Variants in IGF1R observed in about 807,000 individuals in gnomAD.
The protein encoded by IGF1R is insulin like growth factor 1 receptor.
Under a neutral mutation model 144.6 loss-of-function variants are expected in IGF1R, and 44 were observed. The observed-to-expected ratio is 0.30, with a 90% CI of 0.24 to 0.39. IGF1R has a LOEUF of 0.39. Among genes scored for constraint, IGF1R ranks in the 10% least tolerant of loss-of-function variants. The pLI, the probability that IGF1R is intolerant of heterozygous loss-of-function variation, is 1.00. For synonymous variants in IGF1R, 795 were observed against 722.8 expected (o/e 1.10, Z -1.60); for missense variants, 1,355 against 1,833.7 (o/e 0.74, Z 4.77).
chr15:98,714,278 C>G (rs1019854379), intron 2 of IGF1R, among the ~76,000 whole-genome samples: 2 of 152,246 alleles, frequency 1.3e-5, no homozygotes, highest in African/African-American at 4.8e-5. Context: ...GAGGCGCTCT[C>G]CTTCCCTCGT....
chr15:98,919,659 A>G (rs1368699788), intron 10 of IGF1R, among the ~76,000 whole-genome samples: 1 of 152,180 alleles, frequency 6.6e-6, no homozygotes, highest in African/African-American at 2.4e-5. Context: ...CTCTCTCCTA[A>G]GACAAGTCCA....
intron 10 of IGF1R, 47 bp downstream of exon 10, chr15:98,916,923 GC>G (rs749077826): frequency 1.3e-6 from 2 of 1,548,766 alleles, no homozygotes; most frequent in South Asian, 2.2e-5. Context: ...CACTGCTCAG[GC>G]CGGTTCTGTT....
intron 2 of IGF1R, among the ~76,000 whole-genome samples, chr15:98,875,267 C>A (rs2012999096): frequency 6.6e-6 from 1 of 151,312 alleles, no homozygotes; most frequent in African/African-American, 2.4e-5. Flanking sequence ...TTATTCAAGT[C>A]CAGAATGTTG....
intron 2 of IGF1R, among the ~76,000 whole-genome samples, chr15:98,778,214 C>G (rs1454760720): frequency 6.6e-6 from 1 of 152,122 alleles, no homozygotes; most frequent in Non-Finnish European, 1.5e-5. Flanking sequence ...GTACGTGGTC[C>G]TCGGAGTCAT....
intron 19 of IGF1R, among the ~76,000 whole-genome samples, chr15:98,945,948 G>A (rs2016532717): frequency 6.6e-6 from 1 of 152,002 alleles, no homozygotes. Flanking sequence ...GCTACCTCCT[G>A]TATCGTTGCC....
intron 1 of IGF1R, among the ~76,000 whole-genome samples, chr15:98,701,088 G>A (rs1356607169): frequency 1.3e-5 from 2 of 151,980 alleles, no homozygotes; most frequent in African/African-American, 4.8e-5. Flanking sequence ...TGGTTCCAAA[G>A]AATTCATTTT....
intron 1 of IGF1R, among the ~76,000 whole-genome samples, chr15:98,705,330 T>A (rs531452905): frequency 6.6e-6 from 1 of 152,226 alleles, no homozygotes; most frequent in South Asian, 2.1e-4. Flanking sequence ...GGACAGAAGC[T>A]CAGTCGGAGT....
chr15:98,944,759 T>C (rs2016488880), intron 19 of IGF1R, among the ~76,000 whole-genome samples: 1 of 152,246 alleles, frequency 6.6e-6, no homozygotes, highest in Non-Finnish European at 1.5e-5. Flanking sequence ...AGCTGCTGGT[T>C]GAGCTTCTGC....
At chr15:98,685,693 A>C (rs529407615) in intron 1 of IGF1R, among the ~76,000 whole-genome samples, 11 of 152,210 alleles carry the variant, frequency 7.2e-5, no homozygotes, top group African/African-American at 2.4e-4. Flanking sequence ...ATTGTTGAAG[A>C]TGGAACAGGA....
intron 2 of IGF1R, among the ~76,000 whole-genome samples, chr15:98,712,267 C>T (rs947210815): frequency 3.3e-5 from 5 of 152,172 alleles, no homozygotes; most frequent in Non-Finnish European, 7.3e-5. Flanking sequence ...CATCCCAGAA[C>T]CCTTTTGAAC....
intron 2 of IGF1R, among the ~76,000 whole-genome samples, chr15:98,812,414 T>G (rs1427216497): frequency 6.6e-6 from 1 of 151,812 alleles, no homozygotes; most frequent in African/African-American, 2.4e-5. Context: ...TAGAGTACAA[T>G]GGTGCGATCT....
At chr15:98,688,489 C>G (rs116625971) in intron 1 of IGF1R, among the ~76,000 whole-genome samples, 1 of 151,128 alleles carries the variant, frequency 6.6e-6, no homozygotes, top group Admixed American at 6.6e-5. Flanking sequence ...CTTTGCGTAG[C>G]GTTGGCACAT....
At chr15:98,715,728 G>A (rs1271505452) in intron 2 of IGF1R, among the ~76,000 whole-genome samples, 16 of 152,120 alleles carry the variant, frequency 1.1e-4, no homozygotes, top group Non-Finnish European at 4.4e-5. Flanking sequence ...CCTCCTTTGG[G>A]CATATGGTGT....
At chr15:98,832,700 C>T (rs2057023580) in intron 2 of IGF1R, among the ~76,000 whole-genome samples, 1 of 152,232 alleles carries the variant, frequency 6.6e-6, no homozygotes, top group East Asian at 1.9e-4. Flanking sequence ...TTCTTTTCCT[C>T]TTTTAAGACA....
At chr15:98,855,390 C>A (rs1368834015) in intron 2 of IGF1R, among the ~76,000 whole-genome samples, 3 of 152,220 alleles carry the variant, frequency 2.0e-5, no homozygotes, top group Non-Finnish European at 2.9e-5. Context: ...TTAACTGTGC[C>A]TGGCCCTGAA....
In IGF1R at chr15:98,651,286, C is replaced by A. The variant is rs566719833; in HGVS notation, c.94+1611C>A. ...AGTCCGCGACGGAACGAGAGCAGAT[C>A]GTGGTTCGCGTGTTTACTGCCGAGT... On this transcript the variant is annotated intron_variant, in intron 1 of 20. Coordinates refer to ENST00000650285, the MANE Select transcript of IGF1R (RefSeq NM_000875.5). 9.1e-4 allele frequency among the ~76,000 whole-genome samples: 139 copies of A among 152,304 alleles called. No homozygotes were observed. The South Asian group carries it at 0.014, about 15-fold the overall frequency.
At chr15:98,805,199 G>A (rs117441742) in intron 2 of IGF1R, among the ~76,000 whole-genome samples, 2,855 of 152,178 alleles carry the variant, frequency 0.019, 43 homozygotes, top group Non-Finnish European at 0.031. Context: ...ATGCAGGTGC[G>A]ATTTAATTTG....
At chr15:98,884,566 C>T (rs1362067120) in intron 2 of IGF1R, among the ~76,000 whole-genome samples, 1 of 151,186 alleles carries the variant, frequency 6.6e-6, no homozygotes, top group African/African-American at 2.4e-5. Flanking sequence ...TGGTGGCGGG[C>T]GCCTGTAGTC....
intron 3 of IGF1R, among the ~76,000 whole-genome samples, chr15:98,893,245 G>T (rs535739910): frequency 7.9e-5 from 12 of 152,312 alleles, no homozygotes; most frequent in African/African-American, 2.9e-4. Flanking sequence ...TGGAGACGCA[G>T]CTTCTACTGT....
Sources: gnomAD v4.1 joint callset for allele counts (sites outside exome capture counted in the v4.1 genomes callset) on GRCh38, gnomAD v4.1.1 for gene constraint, MANE v1.5 for transcripts, NCBI Gene and HGNC (gene_info 2026-07-23, HGNC 2026-07-21) for gene names.